Variants in TIAM1 observed in about 807,000 individuals in gnomAD.
TIAM1 encodes rho guanine nucleotide exchange factor TIAM1.
TIAM1 carries 65 observed loss-of-function variants against 163.5 expected under a neutral mutation model. The ratio of observed to expected loss-of-function variants is 0.40; its 90% CI spans 0.33 to 0.49. The LOEUF (loss-of-function observed/expected upper bound fraction) is 0.49, where lower values mean the gene tolerates loss of function less well. Among genes scored for constraint, TIAM1 ranks in the 20% least tolerant of loss-of-function variants. The pLI, the probability that TIAM1 is intolerant of heterozygous loss-of-function variation, is 0.77. For synonymous variants in TIAM1, 833 were observed against 810.1 expected (o/e 1.03, Z -0.48); for missense variants, 1,789 against 2,044.7 (o/e 0.87, Z 2.41).
At chr21:31,497,377 CTGA>C (rs1200256154) in intron 1 of TIAM1, among the ~76,000 whole-genome samples, 1 of 152,080 alleles carries the variant, frequency 6.6e-6, no homozygotes, top group Non-Finnish European at 1.5e-5. Flanking sequence ...AAGCGTTATA[CTGA>C]TATGATCTTT....
rs111864911 is a variant in TIAM1, at chr21:31,190,160, T to A, written c.2576-3073A>T. On this transcript the variant is annotated intron_variant, in intron 13 of 27. Coordinates refer to ENST00000541036, the MANE Select transcript of TIAM1 (RefSeq NM_001353694.2). ...TGGCTCATGCCTATAATCCCAGCAC[T>A]CTTGGAAGGCTGAGGCGGGAGGAAA... 3.9e-3 allele frequency among the ~76,000 whole-genome samples: 592 copies of A among 152,182 alleles called. 1 individual carries two copies. Among genetic ancestry groups the A allele is most frequent in the African/African-American group, 0.013 (545 of 41,536 alleles).
chr21:31,319,901 G>C (rs1158209406), intron 2 of TIAM1, among the ~76,000 whole-genome samples: 2 of 151,882 alleles, frequency 1.3e-5, no homozygotes, highest in African/African-American at 4.8e-5. Flanking sequence ...TGCTAATTTG[G>C]CTATGTGTAT....
intron 10 of TIAM1, among the ~76,000 whole-genome samples, chr21:31,210,813 AG>A (rs955522236): frequency 2.0e-5 from 3 of 148,776 alleles, no homozygotes; most frequent in African/African-American, 7.7e-5. Flanking sequence ...AAAGAAAGAA[AG>A]GTCACCATTC....
Position 31,146,920 on chromosome 21 carries a change from T to A in TIAM1, c.3450A>T (p.Thr1150=). 6.2e-7 allele frequency: 1 copy of A among 1,614,048 alleles called. No individual in the cohort carries two copies. Among genetic ancestry groups the A allele is most frequent in the Non-Finnish European group, 8.5e-7 (1 of 1,179,998 alleles). The change falls in exon 20 of 28, where the codon ACA becomes ACT. Residue 1150 remains threonine (T), a synonymous_variant. Transcript: ENST00000541036. The stretch of plus-strand genomic sequence containing the variant: ...CTTTCACCAGGACCTTGGGAACTTT[T>A]GTGTGGCTGGCGCAGAAGGCACTGT... The part of the protein sequence containing the change: ...KLYSAFCASH[T]KVPKVLVKAK...
intron 8 of TIAM1, among the ~76,000 whole-genome samples, chr21:31,221,279 T>C (rs558615049): frequency 2.6e-5 from 4 of 152,140 alleles, no homozygotes; most frequent in Admixed American, 2.0e-4. Context: ...AAACCCCTCA[T>C]AGAAAAGAGA....
At chr21:31,330,441 T>C (rs2075642148) in intron 2 of TIAM1, among the ~76,000 whole-genome samples, 2 of 152,198 alleles carry the variant, frequency 1.3e-5, no homozygotes. Context: ...TGTTTGTTTT[T>C]GTTTTTCTTT....
Position 31,120,520 on chromosome 21 carries a change from T to A in TIAM1, c.4624A>T (p.Thr1542Ser), listed in dbSNP as rs1201372819. The change falls in exon 28 of 28, where the codon ACC (threonine) becomes TCC (serine). Residue 1542 changes from threonine (T) to serine (S), a missense_variant. Transcript: ENST00000541036. The surrounding 1 kb of genome is among the most constrained non-coding windows in gnomAD (Gnocchi z 4.2). ...SISQRERGRK[T>S]LDSHASRMAQ... is the part of the protein sequence containing the mutation. ...ATGCGGGACGCGTGACTATCCAGGG[T>A]TTTCCGGCCTCTTTCCCGCTGACTG... 6.2e-7 allele frequency: 1 copy of A among 1,613,976 alleles called. No individual in the cohort carries two copies. Among genetic ancestry groups the A allele is most frequent in the East Asian group, 2.2e-5 (1 of 44,874 alleles).
intron 1 of TIAM1, among the ~76,000 whole-genome samples, chr21:31,468,730 G>C (rs1422732490): frequency 1.3e-5 from 2 of 151,108 alleles, no homozygotes; most frequent in Non-Finnish European, 1.5e-5. Context: ...GAGCCGAGAT[G>C]GTGCCACTGC....
chr21:31,435,392 G>A (rs1343818658), intron 2 of TIAM1, among the ~76,000 whole-genome samples: 1 of 152,150 alleles, frequency 6.6e-6, no homozygotes, highest in Non-Finnish European at 1.5e-5. Context: ...AAGATGCCTT[G>A]TCAATTGTTG....
At chr21:31,522,738 T>C (rs2047646007) in intron 1 of TIAM1, among the ~76,000 whole-genome samples, 1 of 152,176 alleles carries the variant, frequency 6.6e-6, no homozygotes, top group Admixed American at 6.5e-5. Context: ...GAAGCAGTCC[T>C]TTATAAAGTT....
intron 20 of TIAM1, among the ~76,000 whole-genome samples, chr21:31,142,148 C>T (rs1233438419): frequency 1.3e-5 from 2 of 152,142 alleles, no homozygotes; most frequent in African/African-American, 4.8e-5. Context: ...ATCTGGCCCG[C>T]ATGGCATGGG....
At chr21:31,237,764 T>C (rs1175697739) in intron 6 of TIAM1, among the ~76,000 whole-genome samples, 1 of 152,212 alleles carries the variant, frequency 6.6e-6, no homozygotes, top group Admixed American at 6.5e-5. Flanking sequence ...GGTAGCTGTG[T>C]TCCCAAGGCA....
chr21:31,237,768 C>T (rs1455311549), intron 6 of TIAM1, among the ~76,000 whole-genome samples: 3 of 152,106 alleles, frequency 2.0e-5, no homozygotes, highest in Admixed American at 2.0e-4. Context: ...GCTGTGTTCC[C>T]AAGGCATTTA....
intron 15 of TIAM1, among the ~76,000 whole-genome samples, chr21:31,180,875 T>C (rs2084981306): frequency 1.3e-5 from 2 of 152,244 alleles, no homozygotes; most frequent in African/African-American, 4.8e-5. Flanking sequence ...CAACTGTAAC[T>C]GAGAGCAATC....
chr21:31,367,252 T>C (rs1243535231), intron 2 of TIAM1, among the ~76,000 whole-genome samples: 1 of 152,086 alleles, frequency 6.6e-6, no homozygotes, highest in African/African-American at 2.4e-5. Flanking sequence ...AGTCTTTCAG[T>C]TGCAAGCCCT....
chr21:31,362,481 A>G (rs976626231), intron 2 of TIAM1, among the ~76,000 whole-genome samples: 1 of 97,414 alleles, frequency 1.0e-5, no homozygotes, highest in African/African-American at 3.9e-5. Flanking sequence ...TTATTATTAT[A>G]TTTGAGAAAA....
intron 23 of TIAM1, 87 bp from the exon 24 acceptor site, chr21:31,131,035 C>A (rs2082395727): frequency 1.8e-6 from 2 of 1,121,978 alleles, no homozygotes; most frequent in African/African-American, 1.5e-5. Flanking sequence ...ATAAACACTA[C>A]AGTTATGAAG....
intron 6 of TIAM1, among the ~76,000 whole-genome samples, chr21:31,245,196 A>G (rs142426537): frequency 3.3e-4 from 50 of 152,218 alleles, no homozygotes; most frequent in African/African-American, 1.2e-3. Context: ...AGACCACACA[A>G]AGATATCCTT....
intron 16 of TIAM1, 84 bp from the exon 17 acceptor site, chr21:31,154,510 C>G: frequency 7.1e-7 from 1 of 1,400,860 alleles, no homozygotes; most frequent in Non-Finnish European, 9.7e-7. Context: ...TAGAGGTGTT[C>G]TCCCTGGTTA....
Sources: gnomAD v4.1 joint callset for allele counts (sites outside exome capture counted in the v4.1 genomes callset) on GRCh38, gnomAD v4.1.1 for gene constraint, Gnocchi (gnomAD v3.1) non-coding constraint, MANE v1.5 for transcripts, NCBI Gene and HGNC (gene_info 2026-07-23, HGNC 2026-07-21) for gene names.